Variants in BRD10 observed in about 807,000 individuals in gnomAD.
BRD10 encodes bromodomain containing 10.
chr9:5,949,891 T>C, the BRD10 span, among the ~76,000 whole-genome samples: 1 of 152,218 alleles, frequency 6.6e-6, no homozygotes, highest in Non-Finnish European at 1.5e-5. Flanking sequence ...TTCAGTCTAA[T>C]AGTCTTTCTT....
chr9:5,975,265 G>A, the BRD10 span, among the ~76,000 whole-genome samples: 2 of 151,570 alleles, frequency 1.3e-5, no homozygotes, highest in Non-Finnish European at 2.9e-5. Flanking sequence ...GTGAAACTCT[G>A]TCTCTACTAA....
At chr9:5,979,957 G>C in the BRD10 span, among the ~76,000 whole-genome samples, 1 of 145,646 alleles carries the variant, frequency 6.9e-6, no homozygotes, top group Non-Finnish European at 1.5e-5. Context: ...GGAGGTTGCA[G>C]TGAGCCAGGA....
the BRD10 span, chr9:5,897,510 G>C: frequency 1.3e-6 from 2 of 1,519,228 alleles, no homozygotes; most frequent in Admixed American, 1.7e-5. Flanking sequence ...TCATAATGTA[G>C]AACAATGTTT....
chr9:5,986,947 T>C, the BRD10 span, among the ~76,000 whole-genome samples: 7 of 152,244 alleles, frequency 4.6e-5, no homozygotes, highest in East Asian at 1.3e-3. Flanking sequence ...TCTATTTTCT[T>C]TGCTAGTTTT....
At chr9:5,966,990 GT>G in the BRD10 span, among the ~76,000 whole-genome samples, 2 of 152,050 alleles carry the variant, frequency 1.3e-5, no homozygotes, top group Admixed American at 6.5e-5. Context: ...TTATATACAT[GT>G]TTTAAAACAC....
At chr9:5,966,258 C>T in the BRD10 span, among the ~76,000 whole-genome samples, 9 of 152,178 alleles carry the variant, frequency 5.9e-5, no homozygotes, top group East Asian at 1.2e-3. Flanking sequence ...TACAAAACTC[C>T]TCCTCCCAAT....
the BRD10 span, among the ~76,000 whole-genome samples, chr9:5,993,087 G>A: frequency 2.6e-5 from 4 of 151,932 alleles, no homozygotes; most frequent in Admixed American, 2.0e-4. Context: ...AGGCCAAGGC[G>A]GGTGGATCAA....
chr9:6,001,718 A>C, the BRD10 span, among the ~76,000 whole-genome samples: 80 of 152,300 alleles, frequency 5.3e-4, 1 homozygote, highest in African/African-American at 1.8e-3. Context: ...ACCTAGCTCA[A>C]AAACTACAAT....
At chr9:5,968,818 T>A in the BRD10 span, 5 of 1,613,898 alleles carry the variant, frequency 3.1e-6, no homozygotes, top group East Asian at 1.1e-4. Flanking sequence ...GTGGAAAATG[T>A]ACATAAGCAT....
At chr9:5,921,820 C>G in the BRD10 span, 1 of 1,613,926 alleles carries the variant, frequency 6.2e-7, no homozygotes, top group Non-Finnish European at 8.5e-7. Flanking sequence ...GAGAAGAGGG[C>G]ATGTGTGAAG....
the BRD10 span, among the ~76,000 whole-genome samples, chr9:5,938,193 C>T: frequency 6.6e-6 from 1 of 152,156 alleles, no homozygotes; most frequent in Non-Finnish European, 1.5e-5. Context: ...AAAATTTTAG[C>T]ACTTTGGGAG....
At chr9:5,932,908 TA>T in the BRD10 span, among the ~76,000 whole-genome samples, 20 of 152,176 alleles carry the variant, frequency 1.3e-4, no homozygotes, top group African/African-American at 4.8e-4. Context: ...TTTTAACTTT[TA>T]AAATTACAAT....
chr9:5,936,972 C>G, the BRD10 span, among the ~76,000 whole-genome samples: 1 of 152,298 alleles, frequency 6.6e-6, no homozygotes, highest in South Asian at 2.1e-4. Context: ...GCAATCATGC[C>G]TGTAATCCCA....
At chr9:5,990,245 T>A in the BRD10 span, among the ~76,000 whole-genome samples, 1 of 152,264 alleles carries the variant, frequency 6.6e-6, no homozygotes, top group Admixed American at 6.5e-5. Flanking sequence ...TGAATGGGTG[T>A]ACTTTAATTT....
chr9:5,935,389 C>A, the BRD10 span, among the ~76,000 whole-genome samples: 35 of 152,172 alleles, frequency 2.3e-4, no homozygotes, highest in African/African-American at 7.9e-4. Flanking sequence ...AGCTTTGTAG[C>A]GGGGGAAAAA....
chr9:6,004,408 A>T, the BRD10 span, among the ~76,000 whole-genome samples: 1 of 152,184 alleles, frequency 6.6e-6, no homozygotes, highest in Non-Finnish European at 1.5e-5. Context: ...CCCTCATTAT[A>T]CAGATAAGGA....
At chr9:5,934,510 C>T in the BRD10 span, among the ~76,000 whole-genome samples, 2 of 151,760 alleles carry the variant, frequency 1.3e-5, no homozygotes. Context: ...AGATGCCTGC[C>T]ACCACGCCCA....
At chr9:5,974,179 G>T in the BRD10 span, among the ~76,000 whole-genome samples, 1 of 152,164 alleles carries the variant, frequency 6.6e-6, no homozygotes, top group East Asian at 1.9e-4. Context: ...ATGACAGACT[G>T]AGAGATCTAT....
At chr9:5,907,682 G>A in the BRD10 span, among the ~76,000 whole-genome samples, 1 of 152,208 alleles carries the variant, frequency 6.6e-6, no homozygotes, top group Non-Finnish European at 1.5e-5. Flanking sequence ...GCTGGGCATG[G>A]TGGCTCACAC....
Sources: gnomAD v4.1 joint callset for allele counts (sites outside exome capture counted in the v4.1 genomes callset) on GRCh38, gnomAD v4.1.1 for gene constraint, MANE v1.5 for transcripts, NCBI Gene and HGNC (gene_info 2026-07-23, HGNC 2026-07-21) for gene names.